Variants in TEKT3 observed in about 807,000 individuals in gnomAD.
The protein encoded by TEKT3 is tektin-3.
Under a neutral mutation model 49.8 loss-of-function variants are expected in TEKT3, and 49 were observed. The ratio of observed to expected loss-of-function variants is 0.98; its 90% CI spans 0.78 to 1.25. TEKT3 has a LOEUF of 1.25. Among genes scored for constraint, TEKT3 ranks in the 50% most tolerant of loss-of-function variants. TEKT3 has a pLI of 0.00. For missense variants in TEKT3, 595 were observed against 629.5 expected, an observed-to-expected ratio of 0.95 and a Z score of 0.59; for synonymous variants, 225 against 237.2, an observed-to-expected ratio of 0.95 and a Z score of 0.47.
At chr17:15,329,125 G>T (rs1229748706) in intron 3 of TEKT3, among the ~76,000 whole-genome samples, 1 of 152,068 alleles carries the variant, frequency 6.6e-6, no homozygotes, top group African/African-American at 2.4e-5. Context: ...CTGCTCTTAC[G>T]CCAGCTCTAA....
At chr17:15,311,581 C>T (rs1476734338) in intron 7 of TEKT3, 1 of 152,204 alleles carries the variant, frequency 6.6e-6, no homozygotes, top group African/African-American at 2.4e-5. Flanking sequence ...ACCTGATCAC[C>T]ATACATTAAA....
intron 4 of TEKT3, among the ~76,000 whole-genome samples, chr17:15,326,322 C>T (rs1194755753): frequency 6.6e-6 from 1 of 152,166 alleles, no homozygotes; most frequent in Non-Finnish European, 1.5e-5. Flanking sequence ...GATGGATTCA[C>T]TGCAGCAGAA....
intron 2 of TEKT3, among the ~76,000 whole-genome samples, chr17:15,332,206 A>G (rs1911790383): frequency 6.6e-6 from 1 of 152,092 alleles, no homozygotes; most frequent in African/African-American, 2.4e-5. Context: ...TAAATAAATA[A>G]ATAAATAGAT....
intron 2 of TEKT3, among the ~76,000 whole-genome samples, chr17:15,336,339 A>G (rs1844506700): frequency 6.6e-6 from 1 of 152,240 alleles, no homozygotes; most frequent in South Asian, 2.1e-4. Flanking sequence ...AAGAAAGTGT[A>G]AGCCTCAAAT....
At chr17:15,337,541 T>G (rs117461031) in intron 2 of TEKT3, among the ~76,000 whole-genome samples, 1 of 152,040 alleles carries the variant, frequency 6.6e-6, no homozygotes, top group Non-Finnish European at 1.5e-5. Context: ...AAAACACAAA[T>G]AAGTTAAAAA....
chr17:15,321,302 C>A (rs889502564), intron 4 of TEKT3, among the ~76,000 whole-genome samples: 1 of 152,056 alleles, frequency 6.6e-6, no homozygotes, highest in Non-Finnish European at 1.5e-5. Context: ...AGCCACCATG[C>A]CCGGCCAACA....
chr17:15,330,988 T>A lies in TEKT3; in HGVS notation c.579+19A>T, dbSNP rs1203258208. ...GTTATAATCATAAAAATTCAGTGTG[T>A]TCTATCATAAGGTCTTACCTGAAGA... On this transcript the variant is annotated intron_variant, in intron 3 of 8. Transcript: ENST00000395930. The A allele has an allele frequency of 6.4e-7, 1 of 1,570,820 alleles. No individual in the cohort carries two copies. The highest frequency in any genetic ancestry group is 8.6e-7 in the Non-Finnish European group (1 of 1,159,512).
At chr17:15,338,268 C>A (rs1912069877) in intron 2 of TEKT3, among the ~76,000 whole-genome samples, 1 of 152,078 alleles carries the variant, frequency 6.6e-6, no homozygotes, top group Non-Finnish European at 1.5e-5. Context: ...TACAAATAAC[C>A]AAAACTGATT....
At chr17:15,310,720 C>G (rs1157097893) in intron 7 of TEKT3, among the ~76,000 whole-genome samples, 1 of 152,134 alleles carries the variant, frequency 6.6e-6, no homozygotes, top group Admixed American at 6.5e-5. Context: ...GCAGCCCTGG[C>G]AAACTAACAT....
upstream of TEKT3, chr17:15,341,644 C>T (rs1912238381): frequency 6.6e-6 from 1 of 152,346 alleles, no homozygotes; most frequent in Admixed American, 6.5e-5. Context: ...CTATCTGTGA[C>T]GATAGCAGCG....
chr17:15,330,181 T>C (rs1305567245), intron 3 of TEKT3, among the ~76,000 whole-genome samples: 1 of 152,160 alleles, frequency 6.6e-6, no homozygotes. Flanking sequence ...TCATAACATA[T>C]ATACAGGAGG....
chr17:15,335,601 T>C (rs1038066110), intron 2 of TEKT3, among the ~76,000 whole-genome samples: 1 of 152,136 alleles, frequency 6.6e-6, no homozygotes, highest in Non-Finnish European at 1.5e-5. Flanking sequence ...CTACCTGACA[T>C]CAAGACACTC....
At chr17:15,321,732 T>C (rs1202114785) in intron 4 of TEKT3, among the ~76,000 whole-genome samples, 1 of 152,156 alleles carries the variant, frequency 6.6e-6, no homozygotes, top group African/African-American at 2.4e-5. Context: ...TCACACTGAC[T>C]TCATTGAGCT....
chr17:15,335,662 A>T (rs1401202421), intron 2 of TEKT3, among the ~76,000 whole-genome samples: 1 of 152,252 alleles, frequency 6.6e-6, no homozygotes, highest in East Asian at 1.9e-4. Context: ...GACCAGACAT[A>T]ATAAGGAGCT....
In TEKT3 at chr17:15,308,731, G is replaced by A. The variant is rs375737789; in HGVS notation, c.1189C>T (p.Gln397Ter). The A allele has an allele frequency of 1.4e-5, 23 of 1,613,842 alleles. No homozygotes were observed. The African/African-American group carries it at 3.1e-4, about 22-fold the overall frequency. The change falls in exon 8 of 9, where the codon CAG becomes TAG. Residue 397 changes from glutamine to a stop codon, truncating the protein, a stop_gained. Transcript: ENST00000395930. LOFTEE classifies it high-confidence loss of function. ...KDKTAFLKVA[Q>*]TRLDERTRRP... ...CTTGTGCGCTCATCCAGTCTGGTCT[G>A]AGCCACCTTCAGGAAGGCAGTCTTG...
intron 7 of TEKT3, among the ~76,000 whole-genome samples, chr17:15,310,563 G>A (rs1910725439): frequency 1.3e-5 from 2 of 152,212 alleles, no homozygotes; most frequent in South Asian, 2.1e-4. Flanking sequence ...TACAAGCTGA[G>A]GAGAGAGGCC....
At chr17:15,327,904 T>C (rs1911556973) in intron 4 of TEKT3, 88 bp downstream of exon 4, 1 of 1,152,808 alleles carries the variant, frequency 8.7e-7, no homozygotes, top group Non-Finnish European at 1.3e-6. Flanking sequence ...TATAAGTCAT[T>C]TTATGTAACA....
chr17:15,342,384 G>A (rs1238801115), upstream of TEKT3, among the ~76,000 whole-genome samples: 1 of 152,194 alleles, frequency 6.6e-6, no homozygotes, highest in Non-Finnish European at 1.5e-5. Context: ...AGCAGCAAGA[G>A]AATTCACCGA....
intron 8 of TEKT3, among the ~76,000 whole-genome samples, chr17:15,306,263 T>C (rs185916709): frequency 3.3e-5 from 5 of 152,244 alleles, no homozygotes; most frequent in Non-Finnish European, 5.9e-5. Flanking sequence ...AAAGTAAGTC[T>C]TGAAATGAAA....
Sources: allele counts gnomAD v4.1 joint callset (sites outside exome capture counted in the v4.1 genomes callset), GRCh38; gene constraint gnomAD v4.1.1; transcripts MANE v1.5; gene names NCBI Gene and HGNC (gene_info 2026-07-23, HGNC 2026-07-21).